Variants in ENAM observed in about 807,000 individuals in gnomAD.
The protein encoded by ENAM is enamelin.
ENAM carries 21 observed loss-of-function variants against 33.6 expected under a neutral mutation model. The observed-to-expected ratio is 0.63, with a 90% confidence interval of 0.44 to 0.90. The LOEUF (loss-of-function observed/expected upper bound fraction) is 0.90. Ranked by LOEUF, ENAM falls within the 40% of genes least tolerant of loss-of-function variation. ENAM has a pLI of 0.00. For synonymous variants in ENAM, 473 were observed against 468.4 expected (o/e 1.01, Z -0.13); for missense variants, 1,388 against 1,366.9 (o/e 1.02, Z -0.24).
intron 8 of ENAM, among the ~76,000 whole-genome samples, 168 bp downstream of exon 8, chr4:70,638,011 AAGATTGATG>A (rs1738502758): frequency 6.6e-6 from 1 of 152,206 alleles, no homozygotes. Flanking sequence ...CAGTGGTCCA[AAGATTGATG>A]GTGGACTCCA....
At position 70,641,490 on chromosome 4, in the gene ENAM, C is replaced by A. The variant is rs147513464; in HGVS notation, c.589-525C>A. Among the ~76,000 whole-genome samples the A allele has an allele frequency of 9.8e-3, 1,478 of 151,134 alleles. 27 individuals are homozygous for A. The highest frequency in any genetic ancestry group is 0.034 in the African/African-American group (1,408 of 41,118). On this transcript the variant is annotated intron_variant, in intron 8 of 8. Coordinates refer to ENST00000396073, the MANE Select transcript of ENAM (RefSeq NM_031889.3). The stretch of plus-strand genomic sequence containing the variant: ...GCAACCTCCACCTCCTGGGTTCAGG[C>A]GATTCTCCTGCCTCAGCCTCCTGAG...
Position 70,634,336 on chromosome 4 carries a change from A to G in ENAM, c.239A>G (p.Asn80Ser), listed in dbSNP as rs755623510. 6.2e-7 allele frequency: 1 copy of G among 1,614,054 alleles called. No homozygotes were observed. The change falls in exon 6 of 9, where the codon AAC becomes AGC. Residue 80 changes from asparagine (N) to serine (S), a missense_variant. Asn to Ser is a conservative substitution (Grantham distance 46). Transcript: ENST00000396073. Reference sequence around the variant, plus strand: ...GCACACCTGGGGCCCTTCTTTGGAAACGGTCTCCCTCAGCAATTTCCACAG... The same window carrying G: ...GCACACCTGGGGCCCTTCTTTGGAAGCGGTCTCCCTCAGCAATTTCCACAG... ...HMAHLGPFFG[N>S]GLPQQFPQYQ...
At chr4:70,637,489 G>T (rs941102372) in intron 7 of ENAM, among the ~76,000 whole-genome samples, 2 of 151,930 alleles carry the variant, frequency 1.3e-5, no homozygotes, top group African/African-American at 4.8e-5. Flanking sequence ...GGTTGTGGAG[G>T]GTATGTTTTT....
intron 5 of ENAM, 87 bp from the exon 6 acceptor site, chr4:70,634,221 C>A: frequency 7.4e-7 from 1 of 1,349,724 alleles, no homozygotes. Context: ...AGCTCTTTGG[C>A]TGAGTTTTAG....
intron 8 of ENAM, among the ~76,000 whole-genome samples, chr4:70,638,794 CTTT>C (rs202207649): frequency 7.3e-6 from 1 of 137,246 alleles, no homozygotes. Context: ...TTCTTTCTTT[CTTT>C]TTTTTTTTTT....
At chr4:70,634,641 T>C (rs959381485) in intron 6 of ENAM, 73 bp downstream of exon 6, 17 of 1,382,796 alleles carry the variant, frequency 1.2e-5, no homozygotes, top group Non-Finnish European at 1.5e-5. Context: ...GCCACCCCCA[T>C]ATACACACTT....
chr4:70,635,808 C>T, intron 6 of ENAM, 24 bp from the exon 7 acceptor site: 1 of 1,488,062 alleles, frequency 6.7e-7, no homozygotes, highest in South Asian at 1.1e-5. Context: ...TACCACATCA[C>T]TCTGATTCTT....
chr4:70,634,673 A>T, intron 6 of ENAM, 105 bp downstream of exon 6: 1 of 1,137,566 alleles, frequency 8.8e-7, no homozygotes, highest in South Asian at 1.3e-5. Context: ...CTCTGTTGCA[A>T]TACCAATGTT....
Position 70,642,501 on chromosome 4 carries a change from CCTCGGTGGAA to C in ENAM, c.1078_1087del (p.Arg360SerfsTer9). On this transcript the variant is annotated frameshift_variant, in exon 9 of 9. Transcript: ENST00000396073. LOFTEE classifies it low-confidence loss of function (END_TRUNC). ...CAGAAATCAACAAGTTCAAAGGGGT[CCTCGGTGGAA>C]CTTCTTTGCTTGGGAACGTAAACAA... 6.2e-7 allele frequency: 1 copy of C among 1,614,084 alleles called. No individual in the cohort carries two copies. The highest frequency in any genetic ancestry group is 8.5e-7 in the Non-Finnish European group (1 of 1,180,010).
intron 5 of ENAM, 130 bp from the exon 6 acceptor site, chr4:70,634,178 C>A: frequency 1.1e-6 from 1 of 869,624 alleles, no homozygotes; most frequent in Non-Finnish European, 1.9e-6. Flanking sequence ...GATCTGGAAG[C>A]TTCCATAGTT....
intron 2 of ENAM, 97 bp from the exon 3 acceptor site, chr4:70,631,573 C>T: frequency 1.1e-6 from 1 of 925,502 alleles, no homozygotes; most frequent in Non-Finnish European, 1.8e-6. Context: ...TCCATACTCT[C>T]CTTGACAGAC....
rs1274649806 is a variant in ENAM, at chr4:70,643,825, C to T, written c.2399C>T (p.Pro800Leu). Reference sequence around the variant, plus strand: ...CATTTACAAAAAGCCCCAGCTAGGCCACCAGACCAGAAAGGTAACCAGCCC... The same window carrying T: ...CATTTACAAAAAGCCCCAGCTAGGCTACCAGACCAGAAAGGTAACCAGCCC... ...ATHLQKAPAR[P>L]PDQKGNQPYY... Residue 800 changes from proline to leucine, a missense_variant, in exon 9 of 9, where the codon CCA (proline) becomes CTA (leucine). Pro to Leu is a moderately conservative substitution (Grantham distance 98). Transcript: ENST00000396073. The T allele has an allele frequency of 1.2e-6, 2 of 1,614,052 alleles. No individual in the cohort carries two copies. Among genetic ancestry groups the T allele is most frequent in the African/African-American group, 1.3e-5 (1 of 74,914 alleles).
At chr4:70,630,479 T>C (rs1196030511) in intron 2 of ENAM, among the ~76,000 whole-genome samples, 1 of 152,242 alleles carries the variant, frequency 6.6e-6, no homozygotes, top group Admixed American at 6.5e-5. Context: ...CTATTGTATA[T>C]GCAAATAGAA....
chr4:70,643,577 T>C lies in ENAM; in HGVS notation c.2151T>C (p.Ser717=). ...AACCAAGGGAGGATTTTTATTACAG[T>C]GAATTTTACCCATGGAGCCCGGATG... ...PSKPREDFYY[S]EFYPWSPDEN... Residue 717 remains serine (S), a synonymous_variant, in exon 9 of 9, where the codon AGT becomes AGC. Transcript: ENST00000396073. 6.2e-7 allele frequency: 1 copy of C among 1,614,086 alleles called. No individual in the cohort carries two copies. Among genetic ancestry groups the C allele is most frequent in the Non-Finnish European group, 8.5e-7 (1 of 1,179,994 alleles).
rs574348854 is a variant in ENAM, at chr4:70,631,476, C to CT, written c.55-190dup. Among the ~76,000 whole-genome samples, 192 of 152,076 alleles carry CT rather than the reference C, an allele frequency of 1.3e-3. 2 individuals are homozygous for CT. In the East Asian group the frequency reaches 0.014, roughly 11 times the overall value. The stretch of plus-strand genomic sequence containing the variant: ...ACTTATATTTCCTTTTAATCTGACT[C>CT]TTTTGGCAGCTTGAAAAGTACCAGA... On this transcript the variant is annotated intron_variant, in intron 2 of 8. Coordinates refer to ENST00000396073, the MANE Select transcript of ENAM (RefSeq NM_031889.3).
chr4:70,636,877 G>A (rs1577970069), intron 7 of ENAM, among the ~76,000 whole-genome samples: 1 of 152,154 alleles, frequency 6.6e-6, no homozygotes, highest in East Asian at 1.9e-4. Context: ...TGCATCATAG[G>A]CATTAAAAAT....
At chr4:70,632,717 T>C (rs1437091213) in intron 5 of ENAM, 25 bp downstream of exon 5, 1 of 1,521,236 alleles carries the variant, frequency 6.6e-7, no homozygotes, top group Non-Finnish European at 9.1e-7. Flanking sequence ...ATGTTATTTC[T>C]GATGATTTCT....
chr4:70,629,088 A>T (rs151125662), intron 1 of ENAM, 124 bp downstream of exon 1: 3,079 of 203,462 alleles, frequency 0.015, 108 homozygotes, highest in African/African-American at 0.067. Context: ...TTGTATGCAG[A>T]CTAATCTTCT....
intron 8 of ENAM, among the ~76,000 whole-genome samples, chr4:70,640,809 T>G (rs1301859842): frequency 6.6e-6 from 1 of 152,208 alleles, no homozygotes; most frequent in Non-Finnish European, 1.5e-5. Flanking sequence ...AGCAGCATGT[T>G]GTACTGCTTT....
Sources: gnomAD v4.1 joint callset for allele counts (sites outside exome capture counted in the v4.1 genomes callset) on GRCh38, gnomAD v4.1.1 for gene constraint, MANE v1.5 for transcripts, NCBI Gene and HGNC (gene_info 2026-07-23, HGNC 2026-07-21) for gene names.